The following SCFD2 variants were observed in gnomAD, a reference collection of about 807,000 sequenced individuals.
SCFD2 encodes the protein sec1 family domain-containing protein 2.
In SCFD2, 54 loss-of-function variants were observed where a neutral mutation model predicts 58.9. The observed-to-expected ratio is 0.92, with a 90% CI of 0.74 to 1.15. The LOEUF is 1.15. Ranked by LOEUF, SCFD2 falls within the 50% of genes most tolerant of loss-of-function variation. SCFD2 has a pLI of 0.00. For synonymous variants in SCFD2, 321 were observed against 335.9 expected, an observed-to-expected ratio of 0.96 and a Z score of 0.49; for missense variants, 805 against 836.6, an observed-to-expected ratio of 0.96 and a Z score of 0.47.
chr4:53,213,622 A>G lies in SCFD2; in HGVS notation c.1311+60204T>C, dbSNP rs554319471. On this transcript the variant is annotated intron_variant, in intron 4 of 8. Transcript: ENST00000401642. Reference sequence around the variant, plus strand: ...AATTCTGCTTCAAAGAGTTCTTCAAATTTTCTCATTCATTTAATAATGCCA... The same window carrying G: ...AATTCTGCTTCAAAGAGTTCTTCAAGTTTTCTCATTCATTTAATAATGCCA... Among the ~76,000 whole-genome samples, 3 of 152,146 alleles carry G rather than the reference A, an allele frequency of 2.0e-5. No homozygotes were observed. The South Asian group carries it at 6.2e-4, about 32-fold the overall frequency.
intron 4 of SCFD2, among the ~76,000 whole-genome samples, chr4:53,266,141 T>G (rs956356171): frequency 1.3e-5 from 2 of 152,212 alleles, no homozygotes; most frequent in South Asian, 2.1e-4. Flanking sequence ...AGAGAAATAC[T>G]GTCTAACATT....
chr4:53,362,122 G>A (rs1734563779), intron 1 of SCFD2, among the ~76,000 whole-genome samples: 1 of 152,104 alleles, frequency 6.6e-6, no homozygotes, highest in African/African-American at 2.4e-5. Context: ...GCCAGGTAAG[G>A]GTAAGAGAGT....
chr4:53,087,118 G>C (rs1188832763), intron 5 of SCFD2, among the ~76,000 whole-genome samples: 4 of 151,992 alleles, frequency 2.6e-5, no homozygotes, highest in East Asian at 1.9e-4. Flanking sequence ...ATGTATAAAA[G>C]TATCTCATGT....
intron 5 of SCFD2, among the ~76,000 whole-genome samples, chr4:53,007,179 G>A (rs1461511113): frequency 6.6e-6 from 1 of 151,638 alleles, no homozygotes; most frequent in African/African-American, 2.4e-5. Context: ...CACTCAGAAG[G>A]CTGAGGGGAG....
At chr4:53,351,003 C>T (rs1287582755) in intron 2 of SCFD2, among the ~76,000 whole-genome samples, 1 of 152,228 alleles carries the variant, frequency 6.6e-6, no homozygotes, top group Non-Finnish European at 1.5e-5. Flanking sequence ...AGCCATTGTA[C>T]CTGGCCTAAA....
chr4:52,979,470 C>T (rs544352378), intron 5 of SCFD2, among the ~76,000 whole-genome samples: 6 of 151,766 alleles, frequency 4.0e-5, no homozygotes, highest in Non-Finnish European at 8.8e-5. Context: ...TTTTATGTAC[C>T]GTATTTCACT....
intron 4 of SCFD2, among the ~76,000 whole-genome samples, chr4:53,149,104 A>C (rs1313533150): frequency 2.0e-5 from 3 of 152,354 alleles, no homozygotes; most frequent in East Asian, 3.9e-4. Context: ...TGGCATGGAT[A>C]CATGTATTTC....
intron 4 of SCFD2, among the ~76,000 whole-genome samples, chr4:53,166,891 C>T (rs1577795548): frequency 2.0e-5 from 3 of 148,304 alleles, no homozygotes; most frequent in Admixed American, 2.0e-4. Context: ...GTCCACATAA[C>T]AAGATAAAGC....
At chr4:53,102,879 A>G (rs1724870334) in intron 5 of SCFD2, among the ~76,000 whole-genome samples, 1 of 147,534 alleles carries the variant, frequency 6.8e-6, no homozygotes, top group Non-Finnish European at 1.5e-5. Flanking sequence ...AAGGTACCCA[A>G]ATTCATTCAT....
At chr4:53,325,381 T>C (rs1233729465) in intron 2 of SCFD2, among the ~76,000 whole-genome samples, 2 of 151,930 alleles carry the variant, frequency 1.3e-5, no homozygotes, top group Admixed American at 1.3e-4. Context: ...AAAATAATGA[T>C]TGCACCATTC....
intron 5 of SCFD2, among the ~76,000 whole-genome samples, chr4:52,951,193 T>C (rs1043451750): frequency 1.3e-5 from 2 of 152,102 alleles, no homozygotes; most frequent in Non-Finnish European, 2.9e-5. Context: ...CCTTCCTTCC[T>C]CCCTGACTCA....
chr4:53,194,207 C>T (rs1727993073), intron 4 of SCFD2, among the ~76,000 whole-genome samples: 1 of 152,134 alleles, frequency 6.6e-6, no homozygotes, highest in South Asian at 2.1e-4. Flanking sequence ...CTTCTTCCAT[C>T]AACTATAGAG....
intron 4 of SCFD2, among the ~76,000 whole-genome samples, chr4:53,156,479 T>C (rs113623346): frequency 0.16 from 24,001 of 150,818 alleles, 2,367 homozygotes; most frequent in Admixed American, 0.25. Context: ...GGGCAGATCA[T>C]GAGGTCAGGA....
intron 5 of SCFD2, among the ~76,000 whole-genome samples, chr4:52,997,401 T>C (rs1046756362): frequency 6.6e-6 from 1 of 152,150 alleles, no homozygotes; most frequent in African/African-American, 2.4e-5. Flanking sequence ...GTGGCAGGAA[T>C]AGAAAGGCGA....
chr4:53,288,868 G>C (rs1731751303), intron 3 of SCFD2, among the ~76,000 whole-genome samples: 1 of 152,144 alleles, frequency 6.6e-6, no homozygotes, highest in Non-Finnish European at 1.5e-5. Context: ...TTACTATAAT[G>C]GTGGTGTGTA....
intron 5 of SCFD2, among the ~76,000 whole-genome samples, chr4:53,033,357 G>A (rs1293982374): frequency 3.3e-5 from 5 of 151,918 alleles, no homozygotes; most frequent in African/African-American, 4.8e-5. Flanking sequence ...ATGCCCACAA[G>A]AGAAAGGAGG....
At chr4:53,004,714 G>A (rs766218062) in intron 5 of SCFD2, among the ~76,000 whole-genome samples, 11 of 152,106 alleles carry the variant, frequency 7.2e-5, no homozygotes, top group African/African-American at 1.9e-4. Context: ...AAATACGGTC[G>A]GAGGCATTCT....
At chr4:53,317,628 A>G (rs142189575) in intron 2 of SCFD2, among the ~76,000 whole-genome samples, 1 of 152,374 alleles carries the variant, frequency 6.6e-6, no homozygotes, top group Admixed American at 6.5e-5. Flanking sequence ...CTACTGGGGA[A>G]ATAAGCAATA....
chr4:53,281,776 T>G (rs1364999779), intron 3 of SCFD2, among the ~76,000 whole-genome samples: 1 of 152,248 alleles, frequency 6.6e-6, no homozygotes, highest in African/African-American at 2.4e-5. Flanking sequence ...TTTAGCTTTC[T>G]TTTTTGTTCT....
Sources: allele counts gnomAD v4.1 joint callset (sites outside exome capture counted in the v4.1 genomes callset), GRCh38; gene constraint gnomAD v4.1.1; transcripts MANE v1.5; gene names NCBI Gene and HGNC (gene_info 2026-07-23, HGNC 2026-07-21).